SERP2: variants seen among roughly 807,000 people sequenced by gnomAD.
SERP2 encodes the protein stress associated endoplasmic reticulum protein family member 2, also known as stress-associated endoplasmic reticulum protein 2.
A neutral mutation model predicts 9.1 loss-of-function variants in SERP2; 6 were observed. The observed-to-expected ratio is 0.66, with a 90% confidence interval of 0.36 to 1.30. The LOEUF (loss-of-function observed/expected upper bound fraction) is 1.30. Ranked by LOEUF, SERP2 falls within the 50% of genes most tolerant of loss-of-function variation. The probability of loss-of-function intolerance (pLI) is 0.03; values close to 1 mark genes in which losing one functional copy is unlikely to be tolerated. For synonymous variants in SERP2, 37 were observed against 27.3 expected (o/e 1.35, Z -1.10); for missense variants, 58 against 81.9 (o/e 0.71, Z 1.13).
chr13:44,392,196 C>CTAAAAAAAAAAAAAA (rs1872815599), intron 2 of SERP2, among the ~76,000 whole-genome samples: 1 of 35,980 alleles, frequency 2.8e-5, no homozygotes, highest in East Asian at 9.6e-4. Context: ...GACTCTGTCT[C>CTAAAAAAAAAAAAAA]AAAAAAAAAA....
chr13:44,383,929 T>C (rs1203414022), intron 2 of SERP2, among the ~76,000 whole-genome samples: 1 of 152,148 alleles, frequency 6.6e-6, no homozygotes, highest in Non-Finnish European at 1.5e-5. Flanking sequence ...AGGTTAGACA[T>C]GAAATGAGAG....
At chr13:44,381,529 G>A (rs948672313) in intron 2 of SERP2, among the ~76,000 whole-genome samples, 2 of 152,188 alleles carry the variant, frequency 1.3e-5, no homozygotes, top group African/African-American at 4.8e-5. Flanking sequence ...GCAACTGAGC[G>A]AGACTGCGTC....
chr13:44,374,474 A>G (rs1871524328), intron 1 of SERP2, among the ~76,000 whole-genome samples: 1 of 152,198 alleles, frequency 6.6e-6, no homozygotes, highest in Non-Finnish European at 1.5e-5. Flanking sequence ...GGGGCCAGTT[A>G]AGTCAACTGC....
Position 44,379,688 on chromosome 13 carries a change from G to A in SERP2, c.132G>A (p.Leu44=). 2 of 1,612,820 alleles carry A rather than the reference G, an allele frequency of 1.2e-6. No individual in the cohort carries two copies. Among genetic ancestry groups the A allele is most frequent in the Non-Finnish European group, 1.7e-6 (2 of 1,179,290 alleles). Residue 44 remains leucine (L), a synonymous_variant, in exon 2 of 3, where the codon CTG becomes CTA. Transcript: ENST00000379179. ...KYPVGPWLLA[L]FVFVVCGSAI... is the part of the protein sequence containing the mutation. ...CTGTGGGACCATGGCTGTTGGCACT[G>A]TTTGTTTTTGTTGTCTGTGGCTCAG...
intron 2 of SERP2, among the ~76,000 whole-genome samples, chr13:44,387,302 G>A (rs1366060537): frequency 1.3e-5 from 2 of 152,118 alleles, no homozygotes; most frequent in African/African-American, 2.4e-5. Flanking sequence ...TCTTGTATGA[G>A]CCTTACTGAG....
rs1431370358 is a variant in SERP2, at chr13:44,379,708, G to A, written c.152G>A (p.Gly51Asp). ...LLALFVFVVC[G>D]SAIFQIIQSI... Reference sequence around the variant, plus strand: ...GCACTGTTTGTTTTTGTTGTCTGTGGCTCAGGTATGGGTGTTTCACTGAAC... The same window carrying A: ...GCACTGTTTGTTTTTGTTGTCTGTGACTCAGGTATGGGTGTTTCACTGAAC... The change falls in exon 2 of 3, where the codon GGC becomes GAC. Residue 51 changes from glycine (G) to aspartate (D), a missense_variant. Coordinates refer to ENST00000379179, the MANE Select transcript of SERP2 (RefSeq NM_001010897.3). The A allele has an allele frequency of 6.2e-7, 1 of 1,610,348 alleles. No homozygotes were observed. Among genetic ancestry groups the A allele is most frequent in the African/African-American group, 1.3e-5 (1 of 74,818 alleles).
intron 2 of SERP2, chr13:44,390,371 T>C (rs767866042): frequency 1.5e-4 from 63 of 425,944 alleles, no homozygotes; most frequent in Middle Eastern, 3.6e-4. Flanking sequence ...ACCACATAAA[T>C]TGGCCTCTCC....
intron 1 of SERP2, among the ~76,000 whole-genome samples, chr13:44,376,362 T>G (rs1340742162): frequency 6.6e-6 from 1 of 152,218 alleles, no homozygotes; most frequent in Non-Finnish European, 1.5e-5. Flanking sequence ...AACTGAAAAT[T>G]CAGACTAATT....
intron 2 of SERP2, among the ~76,000 whole-genome samples, chr13:44,396,738 A>G (rs1231559563): frequency 4.6e-5 from 7 of 152,198 alleles, no homozygotes; most frequent in Non-Finnish European, 1.0e-4. Context: ...CATAAGAGAC[A>G]GCCGCCTTTC....
At chr13:44,394,079 A>G (rs1872942277) in intron 2 of SERP2, among the ~76,000 whole-genome samples, 1 of 152,196 alleles carries the variant, frequency 6.6e-6, no homozygotes, top group South Asian at 2.1e-4. Context: ...AGTTGTTTTA[A>G]TATCAGTGTC....
At chr13:44,375,901 G>A (rs909741021) in intron 1 of SERP2, among the ~76,000 whole-genome samples, 2 of 152,192 alleles carry the variant, frequency 1.3e-5, no homozygotes. Context: ...TGGAAAAATT[G>A]GGAAAACATT....
At chr13:44,393,590 C>T (rs1161196981) in intron 2 of SERP2, among the ~76,000 whole-genome samples, 1 of 152,154 alleles carries the variant, frequency 6.6e-6, no homozygotes, top group East Asian at 1.9e-4. Flanking sequence ...CCCGCTGTCT[C>T]GCCTGCCCAC....
intron 2 of SERP2, chr13:44,390,675 G>A: frequency 5.4e-6 from 1 of 183,786 alleles, no homozygotes; most frequent in South Asian, 9.1e-5. Flanking sequence ...CGGATAGAAA[G>A]CTTTACATTC....
chr13:44,390,311 C>CCCCCCCCA, intron 2 of SERP2: 2 of 345,156 alleles, frequency 5.8e-6, no homozygotes, highest in South Asian at 2.1e-5. Flanking sequence ...ACCCACCCGC[C>CCCCCCCCA]CTGGACACTT....
At chr13:44,375,932 T>C (rs1376713870) in intron 1 of SERP2, among the ~76,000 whole-genome samples, 3 of 152,202 alleles carry the variant, frequency 2.0e-5, no homozygotes, top group Admixed American at 1.3e-4. Flanking sequence ...CTAGAAAAGG[T>C]ACCAGTCACC....
intron 1 of SERP2, 68 bp downstream of exon 1, chr13:44,374,177 C>CCGGGGGGGGGGGGGGGGGGGGGGGGGGG: frequency 1.3e-5 from 2 of 151,760 alleles, no homozygotes; most frequent in East Asian, 1.5e-4. Context: ...AAGGTGGGGG[C>CCGGGGGGGGGGGGGGGGGGGGGGGGGGG]GGGGCCGGGC....
At chr13:44,374,500 G>A (rs1396337256) in intron 1 of SERP2, among the ~76,000 whole-genome samples, 1 of 152,158 alleles carries the variant, frequency 6.6e-6, no homozygotes, top group Admixed American at 6.5e-5. Flanking sequence ...ACAGAGCCTG[G>A]AACCTAGTAT....
At chr13:44,375,884 A>T (rs1484956487) in intron 1 of SERP2, among the ~76,000 whole-genome samples, 1 of 152,262 alleles carries the variant, frequency 6.6e-6, no homozygotes, top group Admixed American at 6.5e-5. Flanking sequence ...AAAATAAAAG[A>T]AGAAAATGGA....
chr13:44,382,160 T>C (rs577813485), intron 2 of SERP2, among the ~76,000 whole-genome samples: 2 of 151,566 alleles, frequency 1.3e-5, no homozygotes, highest in Non-Finnish European at 2.9e-5. Flanking sequence ...AATTTTAGGC[T>C]GGGCGCGGTG....
Sources: gnomAD v4.1 joint callset for allele counts (sites outside exome capture counted in the v4.1 genomes callset) on GRCh38, gnomAD v4.1.1 for gene constraint, MANE v1.5 for transcripts, NCBI Gene and HGNC (gene_info 2026-07-23, HGNC 2026-07-21) for gene names.